Variants in FRMPD4 observed in about 807,000 individuals in gnomAD.
FRMPD4 encodes FERM and PDZ domain containing 4.
FRMPD4 carries 22 observed loss-of-function variants against 94.1 expected under a neutral mutation model. The observed-to-expected ratio is 0.23, with a 90% CI of 0.17 to 0.33. The LOEUF (loss-of-function observed/expected upper bound fraction) is 0.33, where lower values mean the gene tolerates loss of function less well. Among genes scored for constraint, FRMPD4 ranks in the 10% least tolerant of loss-of-function variants. FRMPD4 has a pLI of 1.00. For missense variants in FRMPD4, 1,111 were observed against 1,339.9 expected (o/e 0.83, Z 2.67); for synonymous variants, 631 against 548.6 (o/e 1.15, Z -2.10).
intron 1 of FRMPD4, among the ~76,000 whole-genome samples, chrX:12,413,906 A>G (rs1352195089): frequency 8.9e-6 from 1 of 112,006 alleles, no homozygotes; most frequent in Non-Finnish European, 1.9e-5. Flanking sequence ...CTAAAAGGCA[A>G]TATTTCAGTC....
Position 12,663,430 on chromosome X carries a change from A to G in FRMPD4, c.423-11433A>G, listed in dbSNP as rs754814524. Among the ~76,000 whole-genome samples, 216 of 112,045 alleles carry G rather than the reference A, an allele frequency of 1.9e-3. 1 individual carries two copies. The highest frequency in any genetic ancestry group is 6.6e-3 in the African/African-American group (204 of 30,848). ...TGCATATGGCTAGCCAATTTTCCCA[A>G]CACCATGTATTAAATAGGGAATCCT... On this transcript the variant is annotated intron_variant, in intron 4 of 16. Transcript: ENST00000675598.
At chrX:12,694,011 G>A (rs1475123067) in intron 8 of FRMPD4, among the ~76,000 whole-genome samples, 1 of 111,314 alleles carries the variant, frequency 9.0e-6, no homozygotes, top group East Asian at 2.8e-4. Context: ...GCTACTCTCT[G>A]CTGGGGTTCC....
chrX:12,701,522 G>A (rs180776962), intron 9 of FRMPD4, among the ~76,000 whole-genome samples: 198 of 111,656 alleles, frequency 1.8e-3, no homozygotes, highest in Middle Eastern at 4.6e-3. Context: ...TTCCAATTCC[G>A]GCAGCCTAAC....
chrX:11,845,831 C>G (rs1291178057), intron 1 of FRMPD4, among the ~76,000 whole-genome samples: 5 of 108,154 alleles, frequency 4.6e-5, no homozygotes, highest in Admixed American at 3.0e-4. Context: ...ATTCAACAAC[C>G]CTTCACGCTA....
At chrX:12,478,240 C>T (rs982514821) in intron 1 of FRMPD4, among the ~76,000 whole-genome samples, 3 of 111,727 alleles carry the variant, frequency 2.7e-5, no homozygotes, top group Non-Finnish European at 1.9e-5. Context: ...ATGTAGAGAG[C>T]ATTCCAAGGA....
At chrX:11,987,587 A>C in intron 3 of FRMPD4, among the ~76,000 whole-genome samples, 1 of 111,626 alleles carries the variant, frequency 9.0e-6, no homozygotes, top group East Asian at 2.8e-4. Context: ...AAGGCCAGGG[A>C]AAGAAATAAA....
chrX:11,977,002 GT>G (rs200394823), intron 3 of FRMPD4, among the ~76,000 whole-genome samples: 257 of 109,343 alleles, frequency 2.4e-3, no homozygotes, highest in African/African-American at 8.2e-3. Context: ...TCATTTGTTT[GT>G]TTTTTTTTAA....
At chrX:12,570,295 A>ATTTATTTTAT (rs140468530) in intron 2 of FRMPD4, among the ~76,000 whole-genome samples, 2,301 of 102,318 alleles carry the variant, frequency 0.022, 76 homozygotes, top group African/African-American at 0.08. Flanking sequence ...CTTTACATAT[A>ATTTATTTTAT]TTTATTTTAT....
intron 16 of FRMPD4, among the ~76,000 whole-genome samples, chrX:12,719,682 T>C (rs1234521175): frequency 8.9e-6 from 1 of 111,883 alleles, no homozygotes; most frequent in African/African-American, 3.3e-5. Context: ...AAAAGCTGTC[T>C]GTGAATATCA....
chrX:12,649,714 C>T (rs1050614302), intron 4 of FRMPD4, among the ~76,000 whole-genome samples: 4 of 112,624 alleles, frequency 3.6e-5, no homozygotes, highest in African/African-American at 1.3e-4. Context: ...AAGTACTTTA[C>T]ACGGTGCTTA....
chrX:12,642,694 G>A (rs1474299485), intron 4 of FRMPD4, among the ~76,000 whole-genome samples: 2 of 112,648 alleles, frequency 1.8e-5, no homozygotes, highest in African/African-American at 6.4e-5. Flanking sequence ...TTGAGCCCAG[G>A]AATTTGAGAC....
intron 3 of FRMPD4, among the ~76,000 whole-genome samples, chrX:11,932,808 T>C (rs1187310205): frequency 1.8e-5 from 2 of 111,510 alleles, no homozygotes; most frequent in East Asian, 2.8e-4. Flanking sequence ...CAGGATTTGC[T>C]CCTGATTCCA....
chrX:12,330,211 T>C (rs2055350800), intron 1 of FRMPD4, among the ~76,000 whole-genome samples: 1 of 111,088 alleles, frequency 9.0e-6, no homozygotes, highest in Non-Finnish European at 1.9e-5. Context: ...ACACAGCACT[T>C]CAGCTATCTG....
intron 3 of FRMPD4, among the ~76,000 whole-genome samples, chrX:11,978,993 G>A (rs963407541): frequency 9.0e-6 from 1 of 111,074 alleles, no homozygotes; most frequent in Non-Finnish European, 1.9e-5. Context: ...TTATGGTAAA[G>A]TATATATGTA....
intron 4 of FRMPD4, among the ~76,000 whole-genome samples, chrX:12,670,574 T>C (rs377425501): frequency 5.4e-5 from 6 of 111,955 alleles, no homozygotes; most frequent in Admixed American, 4.7e-4. Context: ...TTCCACCTTA[T>C]ACAAAAATGA....
At chrX:12,224,501 A>C (rs943025453) in intron 1 of FRMPD4, among the ~76,000 whole-genome samples, 1 of 111,791 alleles carries the variant, frequency 8.9e-6, no homozygotes, top group Non-Finnish European at 1.9e-5. Flanking sequence ...GAATTTAGAA[A>C]GGGGGAATTC....
At chrX:12,569,495 A>G (rs983749245) in intron 2 of FRMPD4, among the ~76,000 whole-genome samples, 4 of 111,464 alleles carry the variant, frequency 3.6e-5, no homozygotes, top group African/African-American at 6.5e-5. Flanking sequence ...TTATTCACCT[A>G]TATCAATAGG....
At chrX:11,935,265 A>ATTT (rs1569129069) in intron 3 of FRMPD4, among the ~76,000 whole-genome samples, 60 of 2,579 alleles carry the variant, frequency 0.023, 9 homozygotes, top group African/African-American at 0.046. Context: ...TTTTTTTTTA[A>ATTT]TGTGTTTTTT....
intron 1 of FRMPD4, among the ~76,000 whole-genome samples, chrX:11,862,150 A>G (rs1228653737): frequency 1.8e-5 from 2 of 111,215 alleles, no homozygotes; most frequent in African/African-American, 6.6e-5. Context: ...CACCTCCAAC[A>G]TTGGGGGTTA....
Sources: gnomAD v4.1 joint callset for allele counts (sites outside exome capture counted in the v4.1 genomes callset) on GRCh38, gnomAD v4.1.1 for gene constraint, MANE v1.5 for transcripts, NCBI Gene and HGNC (gene_info 2026-07-23, HGNC 2026-07-21) for gene names.